The following KCNQ1 variants were observed in gnomAD, a reference collection of about 807,000 sequenced individuals.
KCNQ1 encodes potassium voltage-gated channel subfamily Q member 1.
A neutral mutation model predicts 72.4 loss-of-function variants in KCNQ1; 49 were observed. That is an observed-to-expected ratio of 0.68 (90% CI 0.54 to 0.86). The LOEUF (loss-of-function observed/expected upper bound fraction) is 0.86. Ranked by LOEUF, KCNQ1 falls within the 40% of genes least tolerant of loss-of-function variation. KCNQ1 has a pLI of 0.00. For missense variants in KCNQ1, 790 were observed against 945.1 expected (o/e 0.84, Z 2.15); for synonymous variants, 450 against 412.6 (o/e 1.09, Z -1.10).
In KCNQ1 at chr11:2,616,951, T is replaced by C. The variant is rs1457089118; in HGVS notation, c.1393+28097T>C. The stretch of plus-strand genomic sequence containing the variant: ...TATTGGGCTTCTGTCTGGCTGTACA[T>C]TATCTTGTTGTGTTTTTTTTTTTTA... On this transcript the variant is annotated intron_variant, in intron 10 of 15. Transcript: ENST00000155840. The C allele has an allele frequency of 3.1e-5, 12 of 381,194 alleles. No individual in the cohort carries two copies. The Admixed American group carries it at 4.5e-4, about 14-fold the overall frequency. 23.6% of individuals were successfully genotyped at this position (381,194 alleles called of 1,614,324 possible).
intron 11 of KCNQ1, among the ~76,000 whole-genome samples, chr11:2,722,314 G>GGT (rs1282359297): frequency 6.6e-6 from 1 of 152,172 alleles, no homozygotes; most frequent in Non-Finnish European, 1.5e-5. Context: ...GCGGGCCTCG[G>GGT]GTGCATGCCT....
At chr11:2,576,247 C>G (rs887090991) in intron 6 of KCNQ1, among the ~76,000 whole-genome samples, 1 of 152,212 alleles carries the variant, frequency 6.6e-6, no homozygotes, top group Non-Finnish European at 1.5e-5. Flanking sequence ...CCACAGCTGT[C>G]CAGCGAAGGC....
At position 2,631,255 on chromosome 11, in the gene KCNQ1, T is replaced by C. The variant is rs1206775988; in HGVS notation, c.1394-30706T>C. Reference sequence around the variant, plus strand: ...TCCTGATGGTGTCCCATAAATCCTGTAAACTTCCCTTGTTACCTTTTCATT... The same window carrying C: ...TCCTGATGGTGTCCCATAAATCCTGCAAACTTCCCTTGTTACCTTTTCATT... On this transcript the variant is annotated intron_variant, in intron 10 of 15. Transcript: ENST00000155840. 4 of 398,440 alleles carry C rather than the reference T, an allele frequency of 1.0e-5. No individual in the cohort carries two copies. In the Admixed American group the frequency reaches 1.8e-4, roughly 18 times the overall value. The allele number at this position is 398,440 out of a possible 1,614,324, so 24.7% of individuals were successfully genotyped here.
intron 1 of KCNQ1, among the ~76,000 whole-genome samples, chr11:2,460,811 C>A (rs1450321731): frequency 6.6e-6 from 1 of 152,204 alleles, no homozygotes; most frequent in Non-Finnish European, 1.5e-5. Flanking sequence ...CTCTCTCTGG[C>A]CCCAAAGACT....
intron 15 of KCNQ1, among the ~76,000 whole-genome samples, chr11:2,807,612 C>T (rs554152783): frequency 2.0e-5 from 3 of 152,302 alleles, no homozygotes; most frequent in East Asian, 3.9e-4. Flanking sequence ...CCAGTGCCTC[C>T]GCAACCCGCG....
At chr11:2,832,445 A>G (rs1847971676) in intron 15 of KCNQ1, among the ~76,000 whole-genome samples, 1 of 152,118 alleles carries the variant, frequency 6.6e-6, no homozygotes, top group East Asian at 1.9e-4. Flanking sequence ...AGCAAGAGGA[A>G]CCAGGATACC....
chr11:2,561,252 T>G (rs1485187765), intron 2 of KCNQ1, among the ~76,000 whole-genome samples: 1 of 151,060 alleles, frequency 6.6e-6, no homozygotes. Flanking sequence ...AGGGTGGAGC[T>G]GTGGACAGAT....
At position 2,592,339 on chromosome 11, in the gene KCNQ1, G is replaced by T. The variant is rs1235483312; in HGVS notation, c.1393+3485G>T. Among the ~76,000 whole-genome samples, 4 of 152,228 alleles carry T rather than the reference G, an allele frequency of 2.6e-5. No individual in the cohort carries two copies. The highest frequency in any genetic ancestry group is 2.0e-4 in the Admixed American group (3 of 15,288). ...TATGGCAGTGGCAGACCTCAGGGGA[G>T]GGAGGCTGGGAAGGTAGAAGGTCCC... On this transcript the variant is annotated intron_variant, in intron 10 of 15. Transcript: ENST00000155840. This position sits in a 1 kb window ranked among gnomAD's most constrained non-coding sequence, Gnocchi z 5.2.
intron 11 of KCNQ1, chr11:2,685,109 C>CG (rs1262460734): frequency 7.5e-6 from 3 of 398,470 alleles, no homozygotes; most frequent in Non-Finnish European, 1.3e-5. Context: ...CCTTTTGGCA[C>CG]GGGGGGTCTG....
At chr11:2,697,425 C>G (rs776217177) in intron 11 of KCNQ1, 3 of 398,552 alleles carry the variant, frequency 7.5e-6, no homozygotes, top group Non-Finnish European at 1.3e-5. Context: ...CATCCTTGGC[C>G]TACTCCTTAT....
Position 2,768,869 on chromosome 11 carries a change from A to G in KCNQ1, c.1540A>G (p.Ile514Val), listed in dbSNP as rs1728359317. 1 of 1,614,066 alleles carries G rather than the reference A, an allele frequency of 6.2e-7. No homozygotes were observed. The highest frequency in any genetic ancestry group is 8.5e-7 in the Non-Finnish European group (1 of 1,180,006). The change falls in exon 12 of 16, where the codon ATT becomes GTT. Residue 514 changes from isoleucine (I) to valine (V), a missense_variant. Physicochemically the swap from Ile to Val is conservative, Grantham distance 29 (BLOSUM62 3). This residue lies in a region of KCNQ1 where 178 missense variants were observed against 177.9 expected (regional missense o/e 1.00). Transcript: ENST00000155840. This position sits in a 1 kb window ranked among gnomAD's most constrained non-coding sequence, Gnocchi z 6.7. ...SQLREHHRAT[I>V]KVIRRMQYFV... Reference sequence around the variant, plus strand: ...GCTGCGGGAACACCATCGGGCCACCATTAAGGTCATTCGACGCATGCAGTA... The same window carrying G: ...GCTGCGGGAACACCATCGGGCCACCGTTAAGGTCATTCGACGCATGCAGTA...
rs35412197 is a variant in KCNQ1, at chr11:2,477,734, T to TAAA, written c.386+32262_386+32264dup. Among the ~76,000 whole-genome samples the TAAA allele has an allele frequency of 2.1e-5, 3 of 141,578 alleles. No individual in the cohort carries two copies. Among genetic ancestry groups the TAAA allele is most frequent in the Admixed American group, 7.0e-5 (1 of 14,248 alleles). 92.9% of individuals were successfully genotyped at this position (141,578 alleles called of 152,430 possible). ...ATAGTGAGACCCCATCTCTTTTTAT[T>TAAA]AAAAAAAAAAAAAAGACCATACATA... On this transcript the variant is annotated intron_variant, in intron 1 of 15. Transcript: ENST00000155840. This position sits in a 1 kb window ranked among gnomAD's most constrained non-coding sequence, Gnocchi z 5.0.
intron 11 of KCNQ1, chr11:2,699,146 C>T: frequency 2.5e-6 from 1 of 398,690 alleles, no homozygotes; most frequent in Non-Finnish European, 4.4e-6. Flanking sequence ...AATCCCAATT[C>T]AGCCCACTCT....
chr11:2,685,858 C>T, intron 11 of KCNQ1: 1 of 398,742 alleles, frequency 2.5e-6, no homozygotes, highest in Non-Finnish European at 4.4e-6. Flanking sequence ...CCTGCTTCAC[C>T]CAGGACTCAG....
In KCNQ1 at chr11:2,654,534, T is replaced by C. The variant is rs1849807765; in HGVS notation, c.1394-7427T>C. On this transcript the variant is annotated intron_variant, in intron 10 of 15. Transcript: ENST00000155840. The surrounding 1 kb of genome is among the most constrained non-coding windows in gnomAD (Gnocchi z 6.4). The stretch of plus-strand genomic sequence containing the variant: ...CCTGGAAAGCTTGTGGAAGAGGGCT[T>C]GGGTTACACCTGGGAGATTAGGCCG... 7 of 398,484 alleles carry C rather than the reference T, an allele frequency of 1.8e-5. No homozygotes were observed. Among genetic ancestry groups the C allele is most frequent in the Non-Finnish European group, 3.1e-5 (7 of 226,196 alleles). The allele number at this position is 398,484 out of a possible 1,614,324, so 24.7% of individuals were successfully genotyped here.
chr11:2,815,103 T>G lies in KCNQ1; in HGVS notation c.1795-32664T>G, dbSNP rs1271255967. ...GCTGAGCACCATGCTGGGTGCTTCCTGTGCTCTCAACAGCCTTATGTGGTC... is the reference window on the plus strand; with the variant it reads ...GCTGAGCACCATGCTGGGTGCTTCCGGTGCTCTCAACAGCCTTATGTGGTC... On this transcript the variant is annotated intron_variant, in intron 15 of 15. Transcript: ENST00000155840. The surrounding 1 kb of genome is among the most constrained non-coding windows in gnomAD (Gnocchi z 5.4). Among the ~76,000 whole-genome samples, 1 of 152,276 alleles carries G rather than the reference T, an allele frequency of 6.6e-6. No individual in the cohort carries two copies. Among genetic ancestry groups the G allele is most frequent in the Admixed American group, 6.5e-5 (1 of 15,294 alleles).
chr11:2,529,799 G>A (rs1847583901), intron 2 of KCNQ1, among the ~76,000 whole-genome samples: 2 of 152,142 alleles, frequency 1.3e-5, no homozygotes, highest in South Asian at 2.1e-4. Context: ...TGGTACCTGC[G>A]GCCAGCGGGG....
At position 2,617,902 on chromosome 11, in the gene KCNQ1, T is replaced by A. The variant is rs1849094124; in HGVS notation, c.1393+29048T>A. The A allele has an allele frequency of 2.5e-6, 1 of 398,596 alleles. No homozygotes were observed. The highest frequency in any genetic ancestry group is 4.4e-6 in the Non-Finnish European group (1 of 226,044). The allele number at this position is 398,596 out of a possible 1,614,324, so 24.7% of individuals were successfully genotyped here. A position where few individuals can be genotyped will look rare whatever the true frequency, so the allele number is the denominator to read the frequency against. On this transcript the variant is annotated intron_variant, in intron 10 of 15. Coordinates refer to ENST00000155840, the MANE Select transcript of KCNQ1 (RefSeq NM_000218.3). The surrounding 1 kb of genome is among the most constrained non-coding windows in gnomAD (Gnocchi z 4.6). ...GGTTATCTATTTTCTTGTTATTGAG[T>A]TGTATGCATTCCTTATAAATTTTGG... is the stretch of plus-strand genomic sequence containing the variant.
rs1564847374 is a variant in KCNQ1, at chr11:2,657,340, G to A, written c.1394-4621G>A. 2.5e-6 allele frequency: 1 copy of A among 398,420 alleles called. No homozygotes were observed. The highest frequency in any genetic ancestry group is 3.6e-5 in the East Asian group (1 of 28,088). 24.7% of individuals were successfully genotyped at this position (398,420 alleles called of 1,614,324 possible). ...TCAGTATTGAGTCTTCTAGTCATTG[G>A]AATGAAGGCATATTTCTCCATTTAT... On this transcript the variant is annotated intron_variant, in intron 10 of 15. Coordinates refer to ENST00000155840, the MANE Select transcript of KCNQ1 (RefSeq NM_000218.3). This position sits in a 1 kb window ranked among gnomAD's most constrained non-coding sequence, Gnocchi z 4.8.
Sources: gnomAD v4.1 joint callset for allele counts (sites outside exome capture counted in the v4.1 genomes callset) on GRCh38, gnomAD v4.1.1 for gene constraint, gnomAD v4.1.1 regional missense constraint, Gnocchi (gnomAD v3.1) non-coding constraint, MANE v1.5 for transcripts, NCBI Gene and HGNC (gene_info 2026-07-23, HGNC 2026-07-21) for gene names.